TMEM108: variants seen among roughly 807,000 people sequenced by gnomAD.
The protein encoded by TMEM108 is transmembrane protein 108.
In TMEM108, 12 loss-of-function variants were observed where a neutral mutation model predicts 35.1. The observed-to-expected ratio is 0.34, with a 90% CI of 0.22 to 0.55. The LOEUF is 0.55. Ranked by LOEUF, TMEM108 falls within the 20% of genes least tolerant of loss-of-function variation. The probability of loss-of-function intolerance (pLI) is 0.89; values close to 1 mark genes in which losing one functional copy is unlikely to be tolerated. For synonymous variants in TMEM108, 287 were observed against 308.6 expected, an observed-to-expected ratio of 0.93 and a Z score of 0.73; for missense variants, 680 against 753.3, an observed-to-expected ratio of 0.90 and a Z score of 1.14.
chr3:133,165,975 T>A (rs1455396161), intron 2 of TMEM108, among the ~76,000 whole-genome samples: 1 of 152,236 alleles, frequency 6.6e-6, no homozygotes, highest in East Asian at 1.9e-4. Context: ...CCAGCCAGAA[T>A]CAGTCCATGG....
chr3:133,311,978 C>A (rs181469451), intron 3 of TMEM108, among the ~76,000 whole-genome samples: 5 of 152,370 alleles, frequency 3.3e-5, no homozygotes, highest in Admixed American at 6.5e-5. Context: ...CTCTCAGCTG[C>A]AGGTCTGTTG....
chr3:133,165,221 G>A (rs55951129), intron 2 of TMEM108, among the ~76,000 whole-genome samples: 29,433 of 152,090 alleles, frequency 0.19, 3,299 homozygotes, highest in East Asian at 0.49. Flanking sequence ...GGCATGGATT[G>A]AGGAGAATCT....
chr3:133,116,264 A>G (rs1944286840), intron 2 of TMEM108, among the ~76,000 whole-genome samples: 1 of 152,202 alleles, frequency 6.6e-6, no homozygotes. Flanking sequence ...GAATCACAGT[A>G]AATTTGATGT....
chr3:133,164,809 CAA>C (rs1945013245), intron 2 of TMEM108, among the ~76,000 whole-genome samples: 2 of 152,046 alleles, frequency 1.3e-5, no homozygotes, highest in South Asian at 4.2e-4. Context: ...TAAATGTTCA[CAA>C]GAGAGGTCTC....
intron 3 of TMEM108, among the ~76,000 whole-genome samples, chr3:133,369,662 CCTCT>C (rs1335001096): frequency 2.0e-5 from 3 of 152,190 alleles, no homozygotes; most frequent in Non-Finnish European, 2.9e-5. Flanking sequence ...AATTTTCCCT[CCTCT>C]CTCTAAGTGG....
intron 3 of TMEM108, among the ~76,000 whole-genome samples, chr3:133,307,523 T>C (rs772253637): frequency 3.3e-5 from 5 of 152,228 alleles, no homozygotes; most frequent in Non-Finnish European, 7.3e-5. Flanking sequence ...TTTAAGTCTT[T>C]AGTCCATCTT....
chr3:133,347,531 GT>G (rs1235580804), intron 3 of TMEM108, among the ~76,000 whole-genome samples: 1 of 151,874 alleles, frequency 6.6e-6, no homozygotes, highest in Non-Finnish European at 1.5e-5. Flanking sequence ...TGTTGTTGTT[GT>G]TTTTTGTCAG....
chr3:133,049,281 T>C lies in TMEM108; in HGVS notation c.-47+3261T>C, dbSNP rs1943376402. Among the ~76,000 whole-genome samples the C allele has an allele frequency of 2.6e-5, 4 of 152,322 alleles. No homozygotes were observed. In the South Asian group the frequency reaches 8.3e-4, roughly 32 times the overall value. Reference sequence around the variant, plus strand: ...CCACTAGCCACATGTGGCTTTTTCTTATTTAAATTAATTAAAATTAAATTG... The same window carrying C: ...CCACTAGCCACATGTGGCTTTTTCTCATTTAAATTAATTAAAATTAAATTG... On this transcript the variant is annotated intron_variant, in intron 2 of 5. Coordinates refer to ENST00000321871, the MANE Select transcript of TMEM108 (RefSeq NM_023943.4).
At chr3:133,098,433 G>T (rs1372224314) in intron 2 of TMEM108, among the ~76,000 whole-genome samples, 1 of 152,074 alleles carries the variant, frequency 6.6e-6, no homozygotes, top group Non-Finnish European at 1.5e-5. Context: ...ATATCATTTT[G>T]CCCTTGGCCC....
intron 3 of TMEM108, among the ~76,000 whole-genome samples, chr3:133,364,546 A>G (rs1406095736): frequency 6.6e-6 from 1 of 152,242 alleles, no homozygotes; most frequent in Non-Finnish European, 1.5e-5. Flanking sequence ...AAAATACATA[A>G]TGACAAGAAT....
chr3:133,257,538 C>G (rs1946565125), intron 3 of TMEM108, among the ~76,000 whole-genome samples: 1 of 152,170 alleles, frequency 6.6e-6, no homozygotes, highest in Non-Finnish European at 1.5e-5. Flanking sequence ...GAAACAAAAC[C>G]TAAAGAAGTA....
chr3:133,082,283 A>G (rs1472632992), intron 2 of TMEM108, among the ~76,000 whole-genome samples: 2 of 152,246 alleles, frequency 1.3e-5, no homozygotes, highest in Non-Finnish European at 2.9e-5. Context: ...ATGATGGTGC[A>G]TAACTGCCAG....
chr3:133,200,285 G>A (rs115858194), intron 2 of TMEM108, among the ~76,000 whole-genome samples: 2,129 of 152,240 alleles, frequency 0.014, 58 homozygotes, highest in African/African-American at 0.048. Context: ...TGCACCCACC[G>A]TCCAACAAGC....
At position 133,292,697 on chromosome 3, in the gene TMEM108, T is replaced by G. The variant is rs376613253; in HGVS notation, c.40+63346T>G. ...TTTTTAAAGCATCTGTTTCAAACTC[T>G]AAAGCACCAAAGCCCTCTCCTTTTC... On this transcript the variant is annotated intron_variant, in intron 3 of 5. Coordinates refer to ENST00000321871, the MANE Select transcript of TMEM108 (RefSeq NM_023943.4). Among the ~76,000 whole-genome samples, 131 of 152,290 alleles carry G rather than the reference T, an allele frequency of 8.6e-4. 1 individual carries two copies. In the South Asian group the frequency reaches 0.023, roughly 27 times the overall value.
At chr3:133,225,899 G>A (rs1466656800) in intron 2 of TMEM108, among the ~76,000 whole-genome samples, 1 of 152,186 alleles carries the variant, frequency 6.6e-6, no homozygotes, top group Non-Finnish European at 1.5e-5. Context: ...TTTCTTCTGA[G>A]CCAAATGTGA....
chr3:133,161,180 A>C (rs1944956298), intron 2 of TMEM108, among the ~76,000 whole-genome samples: 1 of 152,062 alleles, frequency 6.6e-6, no homozygotes, highest in Non-Finnish European at 1.5e-5. Flanking sequence ...CAGCCACACC[A>C]ACCTTCTGTT....
chr3:133,223,979 C>T (rs1399374758), intron 2 of TMEM108, among the ~76,000 whole-genome samples: 1 of 152,142 alleles, frequency 6.6e-6, no homozygotes, highest in African/African-American at 2.4e-5. Flanking sequence ...TTTATAGGCT[C>T]AGTTGTTTTT....
chr3:133,276,214 G>T (rs906179978), intron 3 of TMEM108, among the ~76,000 whole-genome samples: 1 of 152,056 alleles, frequency 6.6e-6, no homozygotes, highest in Non-Finnish European at 1.5e-5. Context: ...AATTTTACTG[G>T]GTGTCCTGCA....
intron 2 of TMEM108, among the ~76,000 whole-genome samples, chr3:133,061,578 C>T (rs76524409): frequency 0.028 from 4,207 of 152,248 alleles, 101 homozygotes; most frequent in South Asian, 0.061. Flanking sequence ...TGACCAAGTG[C>T]TTGCAGCATC....
Sources: gnomAD v4.1 joint callset for allele counts (sites outside exome capture counted in the v4.1 genomes callset) on GRCh38, gnomAD v4.1.1 for gene constraint, MANE v1.5 for transcripts, NCBI Gene and HGNC (gene_info 2026-07-23, HGNC 2026-07-21) for gene names.